Variants in KIRREL3 observed in about 807,000 individuals in gnomAD.
The protein encoded by KIRREL3 is kirre like nephrin family adhesion molecule 3.
A neutral mutation model predicts 89.7 loss-of-function variants in KIRREL3; 36 were observed. The ratio of observed to expected loss-of-function variants is 0.40; its 90% CI spans 0.31 to 0.53. The LOEUF (loss-of-function observed/expected upper bound fraction) is 0.53. Ranked by LOEUF, KIRREL3 falls within the 20% of genes least tolerant of loss-of-function variation. The pLI, the probability that KIRREL3 is intolerant of heterozygous loss-of-function variation, is 0.49. For synonymous variants in KIRREL3, 445 were observed against 441.4 expected (o/e 1.01, Z -0.10); for missense variants, 864 against 1,056.6 (o/e 0.82, Z 2.53).
intron 4 of KIRREL3, among the ~76,000 whole-genome samples, chr11:126,503,437 G>T (rs753493291): frequency 6.6e-6 from 1 of 152,120 alleles, no homozygotes; most frequent in African/African-American, 2.4e-5. Context: ...TTGTTGAGGG[G>T]GAGGGGTTCT....
Position 126,872,295 on chromosome 11 carries a change from A to G in KIRREL3, c.55+128160T>C, listed in dbSNP as rs185050693. ...TCCAGAAACTCCCTGCCCCTTTTCTAGAAAGATCTAAGTAACCACCTCTTA... is the reference window on the plus strand; with the variant it reads ...TCCAGAAACTCCCTGCCCCTTTTCTGGAAAGATCTAAGTAACCACCTCTTA... On this transcript the variant is annotated intron_variant, in intron 1 of 16. Transcript: ENST00000525144. The surrounding 1 kb of genome is among the most constrained non-coding windows in gnomAD (Gnocchi z 4.2). 3.7e-3 allele frequency among the ~76,000 whole-genome samples: 557 copies of G among 152,342 alleles called. 5 individuals carry two copies. The highest frequency in any genetic ancestry group is 6.6e-3 in the Non-Finnish European group (452 of 68,034).
chr11:126,705,316 G>T lies in KIRREL3; in HGVS notation c.56-142404C>A, dbSNP rs1020713095. On this transcript the variant is annotated intron_variant, in intron 1 of 16. Coordinates refer to ENST00000525144, the MANE Select transcript of KIRREL3 (RefSeq NM_032531.4). The surrounding 1 kb of genome is among the most constrained non-coding windows in gnomAD (Gnocchi z 4.3). ...AGGTGGGGCCTGGTGGGAGGTGATT[G>T]GGTCATGAGGTCGGATTCCTCAGGA... Among the ~76,000 whole-genome samples, 1 of 152,174 alleles carries T rather than the reference G, an allele frequency of 6.6e-6. No individual in the cohort carries two copies.
rs1950184228 is a variant in KIRREL3 at position 126,996,609 on chromosome 11, G to A, written c.55+3846C>T. On this transcript the variant is annotated intron_variant, in intron 1 of 16. Transcript: ENST00000525144. The surrounding 1 kb of genome is among the most constrained non-coding windows in gnomAD (Gnocchi z 4.7). Reference sequence around the variant, plus strand: ...CTCTATTTTACCCTTCTGTCTACGAGATGCCTTTCTATTCCCTAGGAGATT... The same window carrying A: ...CTCTATTTTACCCTTCTGTCTACGAAATGCCTTTCTATTCCCTAGGAGATT... Among the ~76,000 whole-genome samples the A allele has an allele frequency of 6.6e-6, 1 of 152,094 alleles. No individual in the cohort carries two copies. Among genetic ancestry groups the A allele is most frequent in the African/African-American group, 2.4e-5 (1 of 41,400 alleles).
In KIRREL3 at chr11:126,754,288, A is replaced by C. The variant is rs2134251115; in HGVS notation, c.56-191376T>G. On this transcript the variant is annotated intron_variant, in intron 1 of 16. Transcript: ENST00000525144. The surrounding 1 kb of genome is among the most constrained non-coding windows in gnomAD (Gnocchi z 5.1). ...TTGCATTAGCTTTGAGAAGACTTTT[A>C]ATAGAAAGTGAGATTAAAAGAAAAC... 6.6e-6 allele frequency among the ~76,000 whole-genome samples: 1 copy of C among 152,296 alleles called. No individual in the cohort carries two copies. The highest frequency in any genetic ancestry group is 2.1e-4 in the South Asian group (1 of 4,816).
chr11:126,559,795 G>A (rs906254640), intron 2 of KIRREL3, among the ~76,000 whole-genome samples: 1 of 151,852 alleles, frequency 6.6e-6, no homozygotes, highest in Non-Finnish European at 1.5e-5. Flanking sequence ...TCAGCTTCCT[G>A]AGTAGCTGGG....
chr11:126,737,154 C>A, intron 1 of KIRREL3, among the ~76,000 whole-genome samples: 1 of 152,096 alleles, frequency 6.6e-6, no homozygotes, highest in African/African-American at 2.4e-5. Context: ...GAATGTGTCC[C>A]CTGATTGGAG....
intron 1 of KIRREL3, among the ~76,000 whole-genome samples, chr11:126,759,833 T>C (rs1053021465): frequency 3.3e-5 from 5 of 152,192 alleles, no homozygotes; most frequent in Middle Eastern, 3.2e-3. Context: ...TGAATTCTTT[T>C]TGGGGTAGGA....
chr11:126,875,507 C>A (rs972813269), intron 1 of KIRREL3, among the ~76,000 whole-genome samples: 1 of 152,280 alleles, frequency 6.6e-6, no homozygotes, highest in South Asian at 2.1e-4. Context: ...TCTCTGGAGT[C>A]GTGGCAATAA....
At chr11:126,458,642 G>A (rs1956450374) in intron 6 of KIRREL3, among the ~76,000 whole-genome samples, 1 of 152,206 alleles carries the variant, frequency 6.6e-6, no homozygotes, top group Admixed American at 6.5e-5. Flanking sequence ...GGCTGACTGT[G>A]CTGGGGAGCC....
intron 1 of KIRREL3, among the ~76,000 whole-genome samples, chr11:126,698,535 C>T (rs1361040073): frequency 3.9e-5 from 6 of 152,184 alleles, no homozygotes; most frequent in East Asian, 1.9e-4. Context: ...GCAGAGACAC[C>T]GGCCCGTGCA....
chr11:126,608,295 A>T lies in KIRREL3; in HGVS notation c.56-45383T>A, dbSNP rs115012249. Among the ~76,000 whole-genome samples the T allele has an allele frequency of 6.6e-6, 1 of 152,200 alleles. No individual in the cohort carries two copies. Among genetic ancestry groups the T allele is most frequent in the African/African-American group, 2.4e-5 (1 of 41,436 alleles). On this transcript the variant is annotated intron_variant, in intron 1 of 16. Transcript: ENST00000525144. This position sits in a 1 kb window ranked among gnomAD's most constrained non-coding sequence, Gnocchi z 4.9. ...GCAGGCGTTTGGAACAACGTGCTGA[A>T]TAACAGCAGCATTTGTGAAATCTAA...
rs1044907924 is a variant in KIRREL3, at chr11:126,970,130, C to G, written c.55+30325G>C. On this transcript the variant is annotated intron_variant, in intron 1 of 16. Coordinates refer to ENST00000525144, the MANE Select transcript of KIRREL3 (RefSeq NM_032531.4). This position sits in a 1 kb window ranked among gnomAD's most constrained non-coding sequence, Gnocchi z 4.4. ...GCCTCTCTACCACTGCCCCTGCCCC[C>G]TCAGGGATATATCATGCATTTGAAA... Among the ~76,000 whole-genome samples, 5 of 152,206 alleles carry G rather than the reference C, an allele frequency of 3.3e-5. 1 individual carries two copies. The highest frequency in any genetic ancestry group is 1.2e-4 in the African/African-American group (5 of 41,456).
At chr11:126,458,526 C>T (rs1956446951) in intron 6 of KIRREL3, among the ~76,000 whole-genome samples, 1 of 152,234 alleles carries the variant, frequency 6.6e-6, no homozygotes, top group South Asian at 2.1e-4. Context: ...AGGACCCTGC[C>T]TCCCTGCCTA....
intron 1 of KIRREL3, among the ~76,000 whole-genome samples, chr11:126,599,817 C>T (rs910000591): frequency 6.6e-6 from 1 of 152,208 alleles, no homozygotes; most frequent in Non-Finnish European, 1.5e-5. Context: ...CTGTTCCTGA[C>T]TTGACCCCAG....
chr11:126,900,866 T>C lies in KIRREL3; in HGVS notation c.55+99589A>G, dbSNP rs1946343386. 6.6e-6 allele frequency among the ~76,000 whole-genome samples: 1 copy of C among 152,066 alleles called. No homozygotes were observed. Among genetic ancestry groups the C allele is most frequent in the Non-Finnish European group, 1.5e-5 (1 of 68,014 alleles). ...ATTTTCAAAACAGTTGCAAGTTAAC[T>C]CAAGTAACTGATTTTTTGTATGTAA... is the stretch of plus-strand genomic sequence containing the variant. On this transcript the variant is annotated intron_variant, in intron 1 of 16. Transcript: ENST00000525144. This position sits in a 1 kb window ranked among gnomAD's most constrained non-coding sequence, Gnocchi z 4.4.
chr11:126,751,641 G>A (rs1949340192), intron 1 of KIRREL3, among the ~76,000 whole-genome samples: 1 of 151,708 alleles, frequency 6.6e-6, no homozygotes, highest in Non-Finnish European at 1.5e-5. Flanking sequence ...GCTACAAGTG[G>A]ATCCTCACTA....
In KIRREL3 at chr11:126,564,595, A is replaced by C. The variant is rs540831850; in HGVS notation, c.56-1683T>G. On this transcript the variant is annotated intron_variant, in intron 1 of 16. Coordinates refer to ENST00000525144, the MANE Select transcript of KIRREL3 (RefSeq NM_032531.4). This position sits in a 1 kb window ranked among gnomAD's most constrained non-coding sequence, Gnocchi z 7.4. Reference sequence around the variant, plus strand: ...GCTTAGCCAAACCGCCCTCACTTCAAACGGTCTTACATCTCAGGCACCCAA... The same window carrying C: ...GCTTAGCCAAACCGCCCTCACTTCACACGGTCTTACATCTCAGGCACCCAA... Among the ~76,000 whole-genome samples, 1 of 152,138 alleles carries C rather than the reference A, an allele frequency of 6.6e-6. No homozygotes were observed. The highest frequency in any genetic ancestry group is 2.4e-5 in the African/African-American group (1 of 41,422).
intron 1 of KIRREL3, among the ~76,000 whole-genome samples, chr11:126,927,948 A>C (rs1947791148): frequency 6.6e-6 from 1 of 152,236 alleles, no homozygotes; most frequent in African/African-American, 2.4e-5. Flanking sequence ...GAAAGCTCAT[A>C]ACTTTTTCAT....
Position 126,641,588 on chromosome 11 carries a change from G to T in KIRREL3, c.56-78676C>A, listed in dbSNP as rs183274374. Among the ~76,000 whole-genome samples, 2 of 151,990 alleles carry T rather than the reference G, an allele frequency of 1.3e-5. No homozygotes were observed. Among genetic ancestry groups the T allele is most frequent in the Non-Finnish European group, 2.9e-5 (2 of 68,016 alleles). The stretch of plus-strand genomic sequence containing the variant: ...TGTCTCACCAATCCATTTACAGGTC[G>T]CAGACATTTACAACACCAGCCTCCT... On this transcript the variant is annotated intron_variant, in intron 1 of 16. Transcript: ENST00000525144. This position sits in a 1 kb window ranked among gnomAD's most constrained non-coding sequence, Gnocchi z 5.0.
Sources: gnomAD v4.1 joint callset for allele counts (sites outside exome capture counted in the v4.1 genomes callset) on GRCh38, gnomAD v4.1.1 for gene constraint, Gnocchi (gnomAD v3.1) non-coding constraint, MANE v1.5 for transcripts, NCBI Gene and HGNC (gene_info 2026-07-23, HGNC 2026-07-21) for gene names.